Variants in STXBP5L observed in about 807,000 individuals in gnomAD.
The protein encoded by STXBP5L is syntaxin-binding protein 5-like.
STXBP5L carries 65 observed loss-of-function variants against 144.5 expected under a neutral mutation model. The observed-to-expected ratio is 0.45, with a 90% CI of 0.37 to 0.55. The LOEUF is 0.55. Ranked by LOEUF, STXBP5L falls within the 20% of genes least tolerant of loss-of-function variation. The pLI, the probability that STXBP5L is intolerant of heterozygous loss-of-function variation, is 0.00. For synonymous variants in STXBP5L, 505 were observed against 469.6 expected (o/e 1.08, Z -0.97); for missense variants, 1,298 against 1,405.5 (o/e 0.92, Z 1.22).
chr3:121,423,548 G>A lies in STXBP5L; in HGVS notation c.*4451G>A, dbSNP rs986677157. The A allele has an allele frequency of 6.6e-6, 1 of 152,192 alleles. No individual in the cohort carries two copies. The highest frequency in any genetic ancestry group is 1.5e-5 in the Non-Finnish European group (1 of 68,022). The allele number at this position is 152,192 out of a possible 1,614,324, so 9.4% of individuals were successfully genotyped here. A position where few individuals can be genotyped will look rare whatever the true frequency, so the allele number is the denominator to read the frequency against. ...TAAGGAATCAGATGCACAGATGGAT[G>A]CTTTGATTTACACATTTATCTAGAG... On this transcript the variant is annotated 3_prime_UTR_variant, in exon 27 of 27. Coordinates refer to ENST00000471454, the MANE Select transcript of STXBP5L (RefSeq NM_001308330.2).
intron 3 of STXBP5L, among the ~76,000 whole-genome samples, chr3:121,027,596 C>G (rs1234570418): frequency 6.6e-6 from 1 of 152,150 alleles, no homozygotes; most frequent in East Asian, 1.9e-4. Flanking sequence ...TCAGTGGAGT[C>G]TATTTCATGT....
At chr3:120,997,958 A>G (rs1275452950) in intron 3 of STXBP5L, among the ~76,000 whole-genome samples, 1 of 152,238 alleles carries the variant, frequency 6.6e-6, no homozygotes, top group Non-Finnish European at 1.5e-5. Context: ...GATTCATCAC[A>G]TAAACAGAGC....
At chr3:121,410,779 TAA>T (rs978842578) in intron 23 of STXBP5L, among the ~76,000 whole-genome samples, 55 of 152,120 alleles carry the variant, frequency 3.6e-4, no homozygotes, top group African/African-American at 1.2e-3. Flanking sequence ...ATTTCTTTAT[TAA>T]AGTGTCCTGC....
chr3:121,252,537 T>C (rs1007034548), intron 15 of STXBP5L, among the ~76,000 whole-genome samples: 1 of 152,186 alleles, frequency 6.6e-6, no homozygotes, highest in Admixed American at 6.5e-5. Flanking sequence ...TTGCAAATGA[T>C]TGCAGCATGT....
chr3:121,045,512 T>G lies in STXBP5L; in HGVS notation c.447T>G (p.His149Gln), dbSNP rs376559237. The G allele has an allele frequency of 1.3e-5, 21 of 1,612,272 alleles. No individual in the cohort carries two copies. Among genetic ancestry groups the G allele is most frequent in the South Asian group, 3.3e-5 (3 of 90,698 alleles). The change falls in exon 5 of 27, where the codon CAT becomes CAG. Residue 149 changes from histidine to glutamine, a missense_variant. Transcript: ENST00000471454. ...GACAAAAAAGGCCAGCCATACTCCA[T>G]TCTCTTAAATTTAACCGGGAACGGT... is the stretch of plus-strand genomic sequence containing the variant. ...NLRQKRPAIL[H>Q]SLKFNRERIT...
chr3:121,097,148 T>A (rs2043170133), intron 5 of STXBP5L, among the ~76,000 whole-genome samples: 1 of 152,192 alleles, frequency 6.6e-6, no homozygotes, highest in South Asian at 2.1e-4. Flanking sequence ...AACTGGCTAC[T>A]CAAGCTGCAC....
chr3:121,048,328 A>G lies in STXBP5L; in HGVS notation c.470+2793A>G, dbSNP rs145049725. Among the ~76,000 whole-genome samples the G allele has an allele frequency of 3.3e-5, 5 of 151,948 alleles. No homozygotes were observed. The East Asian group carries it at 9.7e-4, about 29-fold the overall frequency. ...GAGAATCTAATTATGTGTCTTGGCC[A>G]TGGTCTTTTTGTGTAGTATCTCACG... On this transcript the variant is annotated intron_variant, in intron 5 of 26. Transcript: ENST00000471454.
intron 3 of STXBP5L, among the ~76,000 whole-genome samples, chr3:121,006,217 T>C (rs1295265340): frequency 2.0e-5 from 3 of 152,192 alleles, no homozygotes; most frequent in African/African-American, 7.2e-5. Flanking sequence ...AAGGACTTGC[T>C]TTGTGAATCT....
intron 19 of STXBP5L, among the ~76,000 whole-genome samples, chr3:121,311,956 G>A (rs554332570): frequency 6.6e-6 from 1 of 152,122 alleles, no homozygotes; most frequent in Non-Finnish European, 1.5e-5. Context: ...TACAAGGCTA[G>A]AGTAACCAAA....
rs2047617694 is a variant in STXBP5L at position 121,190,702 on chromosome 3, G to GAGGCGGCTGGCC, written c.878-15221_878-15220insAGGCGGCTGGCC. Among the ~76,000 whole-genome samples the GAGGCGGCTGGCC allele has an allele frequency of 7.2e-5, 11 of 152,104 alleles. No individual in the cohort carries two copies. The South Asian group carries it at 2.3e-3, about 32-fold the overall frequency. Reference sequence around the variant, plus strand: ...GGCGGCTGCCCCCCACCTCCCTGACGGGGCGGCTGGCCGGGCGGGGGCTGC... The same window carrying GAGGCGGCTGGCC: ...GGCGGCTGCCCCCCACCTCCCTGACGAGGCGGCTGGCCGGGCGGCTGGCCGGGCGGGGGCTGC... On this transcript the variant is annotated intron_variant, in intron 9 of 26. Transcript: ENST00000471454.
chr3:121,184,405 C>T (rs1302319170), intron 9 of STXBP5L, among the ~76,000 whole-genome samples: 1 of 151,416 alleles, frequency 6.6e-6, no homozygotes, highest in Non-Finnish European at 1.5e-5. Context: ...AGCACAAGAA[C>T]TTCATGAAGC....
At chr3:120,917,414 A>G (rs1466064007) in intron 2 of STXBP5L, among the ~76,000 whole-genome samples, 1 of 152,206 alleles carries the variant, frequency 6.6e-6, no homozygotes, top group Non-Finnish European at 1.5e-5. Flanking sequence ...TAGCAGAGAC[A>G]GTAGGTTTTA....
At chr3:121,380,469 G>A (rs2046297935) in intron 21 of STXBP5L, among the ~76,000 whole-genome samples, 1 of 152,108 alleles carries the variant, frequency 6.6e-6, no homozygotes, top group Non-Finnish European at 1.5e-5. Flanking sequence ...TGAAGAACTT[G>A]TACTCTGGAG....
intron 20 of STXBP5L, among the ~76,000 whole-genome samples, chr3:121,319,383 A>G (rs994733833): frequency 4.6e-5 from 7 of 152,176 alleles, no homozygotes; most frequent in East Asian, 3.8e-4. Flanking sequence ...ACTTGTAGAA[A>G]TTAATTTAGA....
At chr3:121,303,565 AG>A (rs1178018018) in intron 19 of STXBP5L, among the ~76,000 whole-genome samples, 1 of 152,204 alleles carries the variant, frequency 6.6e-6, no homozygotes, top group African/African-American at 2.4e-5. Flanking sequence ...GCTGCTATAA[AG>A]ACACATGCAC....
intron 8 of STXBP5L, 68 bp downstream of exon 8, chr3:121,152,628 T>C: frequency 8.3e-7 from 1 of 1,199,942 alleles, no homozygotes; most frequent in Non-Finnish European, 1.2e-6. Context: ...ACTTTTAAGC[T>C]TTGCACTTTA....
intron 20 of STXBP5L, among the ~76,000 whole-genome samples, chr3:121,328,138 T>C (rs1292966473): frequency 6.6e-6 from 1 of 152,208 alleles, no homozygotes; most frequent in Non-Finnish European, 1.5e-5. Context: ...AGGCACTAGA[T>C]TTTCAGTAGA....
intron 5 of STXBP5L, among the ~76,000 whole-genome samples, chr3:121,089,062 T>C (rs1347954095): frequency 2.1e-5 from 2 of 93,418 alleles, no homozygotes; most frequent in East Asian, 6.2e-4. Context: ...CTGCACAATG[T>C]GCACATGTAC....
intron 20 of STXBP5L, among the ~76,000 whole-genome samples, chr3:121,346,745 G>A (rs1183722575): frequency 2.0e-5 from 3 of 152,280 alleles, no homozygotes; most frequent in South Asian, 4.1e-4. Flanking sequence ...CTGCATAAAT[G>A]TCTTCTTTTG....
Sources: gnomAD v4.1 joint callset for allele counts (sites outside exome capture counted in the v4.1 genomes callset) on GRCh38, gnomAD v4.1.1 for gene constraint, MANE v1.5 for transcripts, NCBI Gene and HGNC (gene_info 2026-07-23, HGNC 2026-07-21) for gene names.